EPB41L2: variants seen among roughly 807,000 people sequenced by gnomAD.
EPB41L2 encodes erythrocyte membrane protein band 4.1 like 2, also known as band 4.1-like protein 2.
Under a neutral mutation model 113.0 loss-of-function variants are expected in EPB41L2, and 43 were observed. The observed-to-expected ratio is 0.38, with a 90% confidence interval of 0.30 to 0.49. The LOEUF (loss-of-function observed/expected upper bound fraction) is 0.49. Among genes scored for constraint, EPB41L2 ranks in the 20% least tolerant of loss-of-function variants. EPB41L2 has a pLI of 0.95. For missense variants in EPB41L2, 1,147 were observed against 1,223.4 expected, an observed-to-expected ratio of 0.94 and a Z score of 0.93; for synonymous variants, 442 against 436.7, an observed-to-expected ratio of 1.01 and a Z score of -0.15.
rs552225436 is a variant in EPB41L2 at position 131,004,083 on chromosome 6, T to C, written c.-14-47584A>G. On this transcript the variant is annotated intron_variant, in intron 1 of 19. Coordinates refer to ENST00000337057, the MANE Select transcript of EPB41L2 (RefSeq NM_001431.4). ...CAAACTTTACAGCTCTAAACCTTTATTTAATATCTGGCAGGCCTGTGAACG... is the reference window on the plus strand; with the variant it reads ...CAAACTTTACAGCTCTAAACCTTTACTTAATATCTGGCAGGCCTGTGAACG... 2.6e-5 allele frequency among the ~76,000 whole-genome samples: 4 copies of C among 152,362 alleles called. No individual in the cohort carries two copies. In the East Asian group the frequency reaches 5.8e-4, roughly 22 times the overall value.
chr6:131,046,866 T>G (rs1795560801), intron 1 of EPB41L2, among the ~76,000 whole-genome samples: 1 of 152,196 alleles, frequency 6.6e-6, no homozygotes, highest in Non-Finnish European at 1.5e-5. Context: ...AATGATTAAA[T>G]TATACCCTAA....
intron 1 of EPB41L2, among the ~76,000 whole-genome samples, chr6:130,956,754 A>G (rs529396906): frequency 6.6e-6 from 1 of 152,356 alleles, no homozygotes; most frequent in African/African-American, 2.4e-5. Context: ...CCATATAGCT[A>G]GAACTTAAAA....
At chr6:130,896,506 C>T (rs1794702066) in intron 8 of EPB41L2, among the ~76,000 whole-genome samples, 1 of 152,134 alleles carries the variant, frequency 6.6e-6, no homozygotes, top group South Asian at 2.1e-4. Flanking sequence ...GGGGAGGCAA[C>T]CCGCATTTGA....
chr6:130,967,695 G>C (rs1179334520), intron 1 of EPB41L2, among the ~76,000 whole-genome samples: 1 of 152,188 alleles, frequency 6.6e-6, no homozygotes, highest in Non-Finnish European at 1.5e-5. Flanking sequence ...GAAAGCACAA[G>C]CTTGTCATCA....
intron 6 of EPB41L2, among the ~76,000 whole-genome samples, chr6:130,903,448 T>C (rs1314459376): frequency 6.7e-6 from 1 of 149,964 alleles, no homozygotes; most frequent in Non-Finnish European, 1.5e-5. Context: ...TGGAAAGAAA[T>C]TTCCATCCTT....
intron 1 of EPB41L2, chr6:131,015,803 A>G (rs1464709112): frequency 6.6e-6 from 1 of 152,228 alleles, no homozygotes. Flanking sequence ...TGAGCTAGAC[A>G]GAGAGATGTA....
chr6:130,876,968 G>A (rs559140325), intron 14 of EPB41L2, among the ~76,000 whole-genome samples: 1 of 152,264 alleles, frequency 6.6e-6, no homozygotes, highest in East Asian at 1.9e-4. Flanking sequence ...GGAATAGACT[G>A]CTGAAATTGA....
chr6:131,009,744 A>T (rs978744830), intron 1 of EPB41L2, among the ~76,000 whole-genome samples: 2 of 152,048 alleles, frequency 1.3e-5, no homozygotes, highest in African/African-American at 4.8e-5. Context: ...AATAAGTTGA[A>T]GGCCACATAA....
chr6:130,867,622 A>G (rs1030297008), intron 15 of EPB41L2, 41 bp from the exon 16 acceptor site: 5 of 1,611,030 alleles, frequency 3.1e-6, no homozygotes, highest in African/African-American at 1.3e-5. Flanking sequence ...TCTAGAGGTA[A>G]TAAAGTAAAA....
intron 3 of EPB41L2, among the ~76,000 whole-genome samples, chr6:130,933,548 G>GT (rs577119694): frequency 9.1e-6 from 1 of 109,700 alleles, no homozygotes; most frequent in African/African-American, 3.8e-5. Context: ...CAGAGTTTTA[G>GT]TTTTTTTAAA....
At chr6:130,946,617 T>G (rs1409993692) in intron 3 of EPB41L2, among the ~76,000 whole-genome samples, 1 of 151,768 alleles carries the variant, frequency 6.6e-6, no homozygotes, top group Non-Finnish European at 1.5e-5. Context: ...CAGGAAGCCA[T>G]AAAAAGTAGA....
At chr6:130,861,554 G>A (rs1782055781) in intron 18 of EPB41L2, among the ~76,000 whole-genome samples, 1 of 152,104 alleles carries the variant, frequency 6.6e-6, no homozygotes, top group African/African-American at 2.4e-5. Context: ...GTGACAAGCA[G>A]ACCAAAAGCC....
In EPB41L2 at chr6:130,858,147, C is replaced by T. The variant is rs201780372; in HGVS notation, c.3007G>A (p.Gly1003Arg). Residue 1003 changes from glycine to arginine, a missense_variant, in exon 19 of 20, where the codon GGG becomes AGG. Transcript: ENST00000337057. The part of the protein sequence containing the change: ...VHKETELAEE[G>R]ED Reference sequence around the variant, plus strand: ...CTCTCTTACCTTACTTAATCTTCCCCTTCCTCAGCCAACTCTGTTTCTTTG... The same window carrying T: ...CTCTCTTACCTTACTTAATCTTCCCTTTCCTCAGCCAACTCTGTTTCTTTG... 8.8e-4 allele frequency: 1,416 copies of T among 1,613,810 alleles called. 21 individuals are homozygous for T. The South Asian group carries it at 0.014, about 16-fold the overall frequency.
chr6:130,865,167 C>T (rs1030113796), intron 17 of EPB41L2, among the ~76,000 whole-genome samples: 7 of 152,202 alleles, frequency 4.6e-5, no homozygotes, highest in Middle Eastern at 3.2e-3. Flanking sequence ...GAACAACTTG[C>T]TGAAAATTCT....
At chr6:131,053,193 G>A (rs1163722446) in intron 1 of EPB41L2, among the ~76,000 whole-genome samples, 6 of 151,692 alleles carry the variant, frequency 4.0e-5, no homozygotes, top group Admixed American at 3.9e-4. Context: ...ACCGTGCCCA[G>A]CAAGTAAATT....
At chr6:130,850,111 GC>G (rs1778344716) in intron 19 of EPB41L2, among the ~76,000 whole-genome samples, 1 of 152,028 alleles carries the variant, frequency 6.6e-6, no homozygotes, top group Non-Finnish European at 1.5e-5. Flanking sequence ...GGTAGCACAC[GC>G]CTGTAATTCC....
intron 17 of EPB41L2, 55 bp from the exon 18 acceptor site, chr6:130,863,773 A>G (rs1782874396): frequency 1.6e-5 from 20 of 1,287,672 alleles, no homozygotes; most frequent in East Asian, 2.3e-5. Flanking sequence ...GCACGTTTAC[A>G]CAGTCAGAGC....
At chr6:130,872,985 C>T (rs1476767997) in intron 14 of EPB41L2, among the ~76,000 whole-genome samples, 1 of 152,144 alleles carries the variant, frequency 6.6e-6, no homozygotes, top group African/African-American at 2.4e-5. Flanking sequence ...CATTCTGGGC[C>T]TTTCCAGTTT....
chr6:130,863,735 A>T lies in EPB41L2; in HGVS notation c.2830-17T>A. The T allele has an allele frequency of 6.3e-7, 1 of 1,595,550 alleles. No homozygotes were observed. Among genetic ancestry groups the T allele is most frequent in the South Asian group, 1.1e-5 (1 of 90,398 alleles). On this transcript the variant is annotated splice_polypyrimidine_tract_variant and intron_variant, in intron 17 of 19. Coordinates refer to ENST00000337057, the MANE Select transcript of EPB41L2 (RefSeq NM_001431.4). ...TTTTACAGTCTAAAGGTCATAAAGG[A>T]GAAGAAGAAAAAACAGCAATCACTG...
Sources: allele counts gnomAD v4.1 joint callset (sites outside exome capture counted in the v4.1 genomes callset), GRCh38; gene constraint gnomAD v4.1.1; transcripts MANE v1.5; gene names NCBI Gene and HGNC (gene_info 2026-07-23, HGNC 2026-07-21).